The following NLGN1 variants were observed in gnomAD, a reference collection of about 807,000 sequenced individuals.
NLGN1 encodes neuroligin 1, also known as neuroligin-1.
NLGN1 carries 12 observed loss-of-function variants against 65.5 expected under a neutral mutation model. The observed-to-expected ratio is 0.18, with a 90% CI of 0.12 to 0.30. NLGN1 has a LOEUF of 0.30. Ranked by LOEUF, NLGN1 falls within the 10% of genes least tolerant of loss-of-function variation. The probability of loss-of-function intolerance (pLI) is 1.00; values close to 1 mark genes in which losing one functional copy is unlikely to be tolerated. For synonymous variants in NLGN1, 350 were observed against 359.5 expected (o/e 0.97, Z 0.30); for missense variants, 750 against 1,007.1 (o/e 0.74, Z 3.46).
At chr3:173,416,030 C>T (rs539055040) in intron 1 of NLGN1, among the ~76,000 whole-genome samples, 1 of 152,046 alleles carries the variant, frequency 6.6e-6, no homozygotes, top group Non-Finnish European at 1.5e-5. Flanking sequence ...GTTGACACCA[C>T]TGAGTTTATT....
intron 4 of NLGN1, among the ~76,000 whole-genome samples, chr3:174,255,639 A>ATTTG (rs1198911398): frequency 7.8e-5 from 4 of 51,196 alleles, no homozygotes; most frequent in Non-Finnish European, 1.3e-4. Context: ...CTTTTCTTCT[A>ATTTG]TTTATTTATT....
At chr3:173,667,371 T>A (rs1422974883) in intron 3 of NLGN1, among the ~76,000 whole-genome samples, 2 of 152,018 alleles carry the variant, frequency 1.3e-5, no homozygotes, top group East Asian at 1.9e-4. Context: ...AAACATTTTT[T>A]AAAAAAACTA....
At chr3:173,429,804 G>A (rs913881585) in intron 1 of NLGN1, among the ~76,000 whole-genome samples, 3 of 152,308 alleles carry the variant, frequency 2.0e-5, no homozygotes, top group Middle Eastern at 3.4e-3. Context: ...ATCCTAAAGT[G>A]TATATCCCCG....
At chr3:173,518,508 T>TTA (rs970562993) in intron 2 of NLGN1, among the ~76,000 whole-genome samples, 12 of 150,414 alleles carry the variant, frequency 8.0e-5, no homozygotes, top group African/African-American at 1.5e-4. Flanking sequence ...TATGCATGTA[T>TTA]TATATATATA....
chr3:173,790,360 G>T (rs1712422744), intron 3 of NLGN1, among the ~76,000 whole-genome samples: 1 of 151,988 alleles, frequency 6.6e-6, no homozygotes, highest in Non-Finnish European at 1.5e-5. Context: ...TTAGATAGAG[G>T]ATATTGGACA....
chr3:173,479,253 T>C (rs1161611042), intron 2 of NLGN1, among the ~76,000 whole-genome samples: 1 of 151,886 alleles, frequency 6.6e-6, no homozygotes, highest in Non-Finnish European at 1.5e-5. Flanking sequence ...GGTGGCTATA[T>C]GTGTGGCATT....
intron 3 of NLGN1, among the ~76,000 whole-genome samples, chr3:173,696,207 A>T (rs1766194307): frequency 6.6e-6 from 1 of 152,226 alleles, no homozygotes; most frequent in Admixed American, 6.5e-5. Flanking sequence ...TCAAGAAAAG[A>T]GTGAACAATA....
chr3:173,870,568 G>T (rs1180054479), intron 4 of NLGN1, among the ~76,000 whole-genome samples: 7 of 152,168 alleles, frequency 4.6e-5, no homozygotes, highest in Non-Finnish European at 1.0e-4. Flanking sequence ...GAGCATCCAG[G>T]ATGAGAAATT....
At chr3:173,822,794 CT>C (rs1481123515) in intron 4 of NLGN1, among the ~76,000 whole-genome samples, 1 of 151,928 alleles carries the variant, frequency 6.6e-6, no homozygotes, top group African/African-American at 2.4e-5. Context: ...ACTTATTTTT[CT>C]TTTTTAAAAT....
intron 4 of NLGN1, among the ~76,000 whole-genome samples, chr3:173,922,525 T>C (rs1220071136): frequency 2.6e-5 from 4 of 152,116 alleles, no homozygotes; most frequent in Admixed American, 6.6e-5. Context: ...CATAAAACTA[T>C]TATACTTTCA....
intron 4 of NLGN1, among the ~76,000 whole-genome samples, chr3:173,978,060 T>C (rs979929043): frequency 1.3e-5 from 2 of 152,002 alleles, no homozygotes; most frequent in Non-Finnish European, 2.9e-5. Flanking sequence ...AAAATATCAA[T>C]GATGTCAGTG....
chr3:173,524,082 A>C lies in NLGN1; in HGVS notation c.-320-80197A>C, dbSNP rs148768070. ...ACTACAGGCACCCGCCACCACGCTC[A>C]GCTAATTTTTTTTTTTTGTATGTTT... On this transcript the variant is annotated intron_variant, in intron 2 of 6. Transcript: ENST00000457714. Among the ~76,000 whole-genome samples the C allele has an allele frequency of 6.2e-3, 918 of 147,794 alleles. 13 individuals carry two copies. Among genetic ancestry groups the C allele is most frequent in the African/African-American group, 0.021 (865 of 40,936 alleles).
At chr3:173,839,929 C>T (rs1724462196) in intron 4 of NLGN1, among the ~76,000 whole-genome samples, 1 of 152,132 alleles carries the variant, frequency 6.6e-6, no homozygotes. Flanking sequence ...AACTGAGGCA[C>T]AGAAATATGT....
intron 4 of NLGN1, among the ~76,000 whole-genome samples, chr3:173,991,345 T>G (rs1490872549): frequency 6.6e-6 from 1 of 152,186 alleles, no homozygotes; most frequent in Non-Finnish European, 1.5e-5. Flanking sequence ...TTAGAAATTT[T>G]ATATGATTTA....
intron 4 of NLGN1, among the ~76,000 whole-genome samples, chr3:173,867,759 A>G (rs1730450395): frequency 1.3e-5 from 2 of 152,122 alleles, no homozygotes; most frequent in Non-Finnish European, 2.9e-5. Flanking sequence ...GTCCCCTACA[A>G]AAATCACCTG....
intron 3 of NLGN1, among the ~76,000 whole-genome samples, chr3:173,762,563 A>G (rs1428110706): frequency 1.3e-5 from 2 of 152,016 alleles, no homozygotes; most frequent in Non-Finnish European, 2.9e-5. Flanking sequence ...TCCAACTGAT[A>G]CTAAAAAGAG....
At chr3:173,582,059 GTAAT>G (rs1746490071) in intron 2 of NLGN1, among the ~76,000 whole-genome samples, 1 of 152,014 alleles carries the variant, frequency 6.6e-6, no homozygotes, top group Admixed American at 6.5e-5. Flanking sequence ...TATAATAGAT[GTAAT>G]TATTTTACCT....
At chr3:173,553,840 A>G (rs1741281259) in intron 2 of NLGN1, among the ~76,000 whole-genome samples, 1 of 152,154 alleles carries the variant, frequency 6.6e-6, no homozygotes, top group Admixed American at 6.5e-5. Context: ...AAGACTTGGA[A>G]AGTTACTCAT....
chr3:174,057,914 A>G (rs1736537714), intron 4 of NLGN1: 1 of 152,100 alleles, frequency 6.6e-6, no homozygotes, highest in Non-Finnish European at 1.5e-5. Flanking sequence ...GAGGGAAAAT[A>G]GTCTTAGATG....
Sources: allele counts gnomAD v4.1 joint callset (sites outside exome capture counted in the v4.1 genomes callset), GRCh38; gene constraint gnomAD v4.1.1; transcripts MANE v1.5; gene names NCBI Gene and HGNC (gene_info 2026-07-23, HGNC 2026-07-21).